The following MEAK7 variants were observed in gnomAD, a reference collection of about 807,000 sequenced individuals.
MEAK7 encodes the protein MTOR-associated protein MEAK7.
MEAK7 carries 68 observed loss-of-function variants against 40.5 expected under a neutral mutation model. The ratio of observed to expected loss-of-function variants is 1.68; its 90% CI spans 1.38 to 2.06. The LOEUF (loss-of-function observed/expected upper bound fraction) is 2.06. Ranked by LOEUF, MEAK7 falls within the 30% of genes most tolerant of loss-of-function variation. The pLI is 0.00. For missense variants in MEAK7, 918 were observed against 580.5 expected (o/e 1.58, Z -5.98); for synonymous variants, 338 against 231.9 (o/e 1.46, Z -4.16).
chr16:84,496,366 C>T (rs1914049556), intron 2 of MEAK7, among the ~76,000 whole-genome samples: 1 of 152,174 alleles, frequency 6.6e-6, no homozygotes, highest in African/African-American at 2.4e-5. Context: ...GCATATATAC[C>T]TGGCTGGTGT....
chr16:84,483,840 G>GTA (rs1364494041), intron 5 of MEAK7, among the ~76,000 whole-genome samples: 1 of 152,194 alleles, frequency 6.6e-6, no homozygotes, highest in South Asian at 2.1e-4. Context: ...TGTGGGACAG[G>GTA]TACGGAACAG....
In MEAK7 at chr16:84,479,997, C is replaced by G; in HGVS notation, c.1287G>C (p.Ala429=). 1 of 1,607,684 alleles carries G rather than the reference C, an allele frequency of 6.2e-7. No individual in the cohort carries two copies. Among genetic ancestry groups the G allele is most frequent in the Non-Finnish European group, 8.5e-7 (1 of 1,175,682 alleles). ...CCAGCAGGGCCTGGGCCTCAGGGTC[C>G]GCATCCAGGATGCTCTTGTTGCCCT... is the stretch of plus-strand genomic sequence containing the variant. The part of the protein sequence containing the change: ...LAKGNKSILD[A]DPEAQALLEI... The change falls in exon 8 of 8, where the codon GCG becomes GCC. Residue 429 remains alanine (A), a synonymous_variant. Coordinates refer to ENST00000343629, the MANE Select transcript of MEAK7 (RefSeq NM_020947.4).
Position 84,479,833 on chromosome 16 carries a change from G to T in MEAK7, c.*80C>A. 1 of 1,079,540 alleles carries T rather than the reference G, an allele frequency of 9.3e-7. No homozygotes were observed. The highest frequency in any genetic ancestry group is 1.7e-5 in the South Asian group (1 of 58,402). The allele number at this position is 1,079,540 out of a possible 1,614,324, so 66.9% of individuals were successfully genotyped here. On this transcript the variant is annotated 3_prime_UTR_variant, in exon 8 of 8. Transcript: ENST00000343629. ...GTACGCTATTACAGTTAAACCATGT[G>T]GGAGGGAAGAGGGGCTGCAGGCGTT...
intron 1 of MEAK7, chr16:84,504,240 G>A (rs1034014035): frequency 3.7e-6 from 3 of 813,996 alleles, no homozygotes; most frequent in Non-Finnish European, 4.5e-6. Context: ...CCTCCTCCGT[G>A]GAGGCACCCC....
At chr16:84,484,217 G>A (rs1567489677) in intron 5 of MEAK7, among the ~76,000 whole-genome samples, 1 of 152,172 alleles carries the variant, frequency 6.6e-6, no homozygotes, top group Non-Finnish European at 1.5e-5. Flanking sequence ...GCCAGGAGGG[G>A]GAAGCATCAT....
intron 3 of MEAK7, among the ~76,000 whole-genome samples, chr16:84,493,344 C>T (rs542112180): frequency 3.3e-5 from 5 of 152,272 alleles, no homozygotes; most frequent in East Asian, 3.9e-4. Flanking sequence ...TCTTAAATAT[C>T]GGTTCCGATA....
At chr16:84,502,077 G>C (rs1267027596) in intron 1 of MEAK7, among the ~76,000 whole-genome samples, 1 of 152,070 alleles carries the variant, frequency 6.6e-6, no homozygotes, top group East Asian at 1.9e-4. Context: ...CCAGGGGGCG[G>C]AGGTTGCAAT....
At chr16:84,499,475 T>G (rs1914324019) in intron 1 of MEAK7, among the ~76,000 whole-genome samples, 2 of 152,184 alleles carry the variant, frequency 1.3e-5, no homozygotes, top group East Asian at 3.9e-4. Flanking sequence ...CCATGACAAC[T>G]CAAACCCTCA....
At chr16:84,489,082 G>T (rs778968790) in intron 4 of MEAK7, among the ~76,000 whole-genome samples, 196 bp downstream of exon 4, 1 of 152,136 alleles carries the variant, frequency 6.6e-6, no homozygotes, top group Admixed American at 6.5e-5. Context: ...ATCAGTAATG[G>T]AAGTGGGGAC....
chr16:84,480,780 C>A, intron 6 of MEAK7, 72 bp from the exon 7 acceptor site: 2 of 1,489,286 alleles, frequency 1.3e-6, no homozygotes, highest in Non-Finnish European at 1.8e-6. Flanking sequence ...ATACCACAAG[C>A]CAGCCTCTCG....
chr16:84,487,920 C>T (rs1044054692), intron 4 of MEAK7: 2 of 152,214 alleles, frequency 1.3e-5, no homozygotes, highest in African/African-American at 4.8e-5. Context: ...ACGTCTTAAG[C>T]TCTTGCTGAC....
At chr16:84,494,026 A>G (rs1913841882) in intron 3 of MEAK7, among the ~76,000 whole-genome samples, 1 of 152,214 alleles carries the variant, frequency 6.6e-6, no homozygotes, top group African/African-American at 2.4e-5. Flanking sequence ...GAGCTTTTAG[A>G]AAGGTCTAAT....
At chr16:84,494,540 G>A (rs1281681215) in intron 3 of MEAK7, among the ~76,000 whole-genome samples, 2 of 152,138 alleles carry the variant, frequency 1.3e-5, no homozygotes, top group African/African-American at 4.8e-5. Flanking sequence ...TGGAGTAACA[G>A]CGACCTATTT....
chr16:84,495,758 G>A lies in MEAK7; in HGVS notation c.309C>T (p.Ser103=), dbSNP rs746713807. The change falls in exon 3 of 8, where the codon TCC becomes TCT. Residue 103 remains serine (S), a synonymous_variant. Transcript: ENST00000343629. ...TCATAATCATGAGACTCTTCTCCTCGGAGTTTCCTTTCAACAGGTGGGACA... is the reference window on the plus strand; with the variant it reads ...TCATAATCATGAGACTCTTCTCCTCAGAGTTTCCTTTCAACAGGTGGGACA... ...ASMSHLLKGN[S]EEKSLMIMKM... is the part of the protein sequence containing the mutation. 5.6e-6 allele frequency: 9 copies of A among 1,613,836 alleles called. No individual in the cohort carries two copies. Among genetic ancestry groups the A allele is most frequent in the Admixed American group, 3.3e-5 (2 of 59,972 alleles).
chr16:84,496,008 G>C (rs542436661), intron 2 of MEAK7, 95 bp from the exon 3 acceptor site: 1 of 1,359,324 alleles, frequency 7.4e-7, no homozygotes, highest in Admixed American at 2.1e-5. Context: ...GAGGAAAAGG[G>C]GTCCTTGGGA....
At chr16:84,493,966 C>T (rs1226797789) in intron 3 of MEAK7, among the ~76,000 whole-genome samples, 1 of 152,082 alleles carries the variant, frequency 6.6e-6, no homozygotes, top group Admixed American at 6.5e-5. Context: ...AGGAATTCAC[C>T]CAAGTCACAT....
rs1310132273 is a variant in MEAK7 at position 84,477,720 on chromosome 16, A to G, written c.*2193T>C. 6.6e-6 allele frequency: 1 copy of G among 152,090 alleles called. No individual in the cohort carries two copies. The highest frequency in any genetic ancestry group is 1.5e-5 in the Non-Finnish European group (1 of 68,018). The allele number at this position is 152,090 out of a possible 1,614,324, so 9.4% of individuals were successfully genotyped here. On this transcript the variant is annotated 3_prime_UTR_variant, in exon 8 of 8. Transcript: ENST00000343629. ...AAACTATTCATTTGTGCAAACTAGGATTGCGAGTTTCTCAGAGCCAGGTAA... is the reference window on the plus strand; with the variant it reads ...AAACTATTCATTTGTGCAAACTAGGGTTGCGAGTTTCTCAGAGCCAGGTAA...
At position 84,498,019 on chromosome 16, in the gene MEAK7, T is replaced by C. The variant is rs752053016; in HGVS notation, c.68A>G (p.Glu23Gly). Reference sequence around the variant, plus strand: ...CAGAGCATCAAACAATTGATCAATCTCTGCCTGTTCCTCAGGAAGAAACTG... The same window carrying C: ...CAGAGCATCAAACAATTGATCAATCCCTGCCTGTTCCTCAGGAAGAAACTG... ...CSQFLPEEQAEIDQLFDALSS... is the reference protein window; with the variant it reads ...CSQFLPEEQAGIDQLFDALSS... Residue 23 changes from glutamate (E) to glycine (G), a missense_variant, in exon 2 of 8, where the codon GAG becomes GGG. Transcript: ENST00000343629. The C allele has an allele frequency of 6.2e-7, 1 of 1,614,186 alleles. No individual in the cohort carries two copies. Among genetic ancestry groups the C allele is most frequent in the Non-Finnish European group, 8.5e-7 (1 of 1,180,036 alleles).
chr16:84,490,654 A>ATGTGTGTGTGTGTGTGTG lies in MEAK7; in HGVS notation c.385-1250_385-1233dup, dbSNP rs35489449. Reference sequence around the variant, plus strand: ...TCAGCTTAATTAAAAGCTAATCAAGATGTGTGTGTGTGTGTGTGTGTGTGT... The same window carrying ATGTGTGTGTGTGTGTGTG: ...TCAGCTTAATTAAAAGCTAATCAAGATGTGTGTGTGTGTGTGTGTGTGTGTGTGTGTGTGTGTGTGTGT... On this transcript the variant is annotated intron_variant, in intron 3 of 7. Transcript: ENST00000343629. Among the ~76,000 whole-genome samples the ATGTGTGTGTGTGTGTGTG allele has an allele frequency of 3.4e-3, 469 of 137,590 alleles. 8 individuals carry two copies. Among genetic ancestry groups the ATGTGTGTGTGTGTGTGTG allele is most frequent in the African/African-American group, 0.011 (401 of 36,108 alleles). 90.3% of individuals were successfully genotyped at this position (137,590 alleles called of 152,430 possible).
Sources: allele counts gnomAD v4.1 joint callset (sites outside exome capture counted in the v4.1 genomes callset), GRCh38; gene constraint gnomAD v4.1.1; transcripts MANE v1.5; gene names NCBI Gene and HGNC (gene_info 2026-07-23, HGNC 2026-07-21).